Variants in CD163L1 observed in about 807,000 individuals in gnomAD.
The protein encoded by CD163L1 is CD163 molecule like 1, also known as scavenger receptor cysteine-rich type 1 protein M160.
CD163L1 carries 124 observed loss-of-function variants against 165.4 expected under a neutral mutation model. That is an observed-to-expected ratio of 0.75 (90% CI 0.65 to 0.87). The LOEUF is 0.87. Among genes scored for constraint, CD163L1 ranks in the 40% least tolerant of loss-of-function variants. CD163L1 has a pLI of 0.00. For synonymous variants in CD163L1, 585 were observed against 662.2 expected (o/e 0.88, Z 1.79); for missense variants, 1,525 against 1,799.9 (o/e 0.85, Z 2.76).
intron 8 of CD163L1, among the ~76,000 whole-genome samples, chr12:7,392,229 A>G (rs1405509251): frequency 6.6e-6 from 1 of 152,254 alleles, no homozygotes; most frequent in Non-Finnish European, 1.5e-5. Context: ...ACAGTCTCTC[A>G]GACCACAGCG....
At chr12:7,397,647 C>T (rs1947808706) in intron 7 of CD163L1, among the ~76,000 whole-genome samples, 1 of 152,160 alleles carries the variant, frequency 6.6e-6, no homozygotes, top group Non-Finnish European at 1.5e-5. Flanking sequence ...AGATAACTGC[C>T]TTGAAAGGCA....
chr12:7,399,849 C>T (rs1308623897), intron 6 of CD163L1, among the ~76,000 whole-genome samples: 1 of 152,074 alleles, frequency 6.6e-6, no homozygotes, highest in Admixed American at 6.6e-5. Context: ...CTTTCAGCCT[C>T]CCAAAGTACC....
At chr12:7,413,633 T>C (rs181109241) in intron 4 of CD163L1, among the ~76,000 whole-genome samples, 1 of 152,314 alleles carries the variant, frequency 6.6e-6, no homozygotes, top group Non-Finnish European at 1.5e-5. Flanking sequence ...AGATAACTTG[T>C]GTGGTCTTCC....
In CD163L1 at chr12:7,398,624, G is replaced by A; in HGVS notation, c.1409-40C>T. 2 of 1,500,452 alleles carry A rather than the reference G, an allele frequency of 1.3e-6. No homozygotes were observed. Among genetic ancestry groups the A allele is most frequent in the African/African-American group, 1.4e-5 (1 of 71,454 alleles). The allele number at this position is 1,500,452 out of a possible 1,614,324, so 92.9% of individuals were successfully genotyped here. On this transcript the variant is annotated intron_variant, in intron 6 of 19. Transcript: ENST00000313599. The surrounding 1 kb of genome is among the most constrained non-coding windows in gnomAD (Gnocchi z 4.5). Reference sequence around the variant, plus strand: ...AAACCACATATTTGAGATCAAATGAGAGAGTCTTTTCAGAAGACTGAAAAG... The same window carrying A: ...AAACCACATATTTGAGATCAAATGAAAGAGTCTTTTCAGAAGACTGAAAAG...
chr12:7,338,853 T>C, the CD163L1 span, among the ~76,000 whole-genome samples: 1 of 152,214 alleles, frequency 6.6e-6, no homozygotes, highest in South Asian at 2.1e-4. Context: ...GAGAATTCCA[T>C]GTCCTCTCTC....
chr12:7,421,039 GTATATATATGTA>G lies in CD163L1; in HGVS notation c.766+11365_766+11376del, dbSNP rs1275972283. On this transcript the variant is annotated intron_variant, in intron 4 of 19. Transcript: ENST00000313599. ...TATATATATACATATATATATACGT[GTATATATATGTA>G]TATACGTATATATGTATATATACGT... Among the ~76,000 whole-genome samples, 3 of 88,186 alleles carry G rather than the reference GTATATATATGTA, an allele frequency of 3.4e-5. No homozygotes were observed. The Admixed American group carries it at 3.6e-4, about 11-fold the overall frequency. The allele number at this position is 88,186 out of a possible 152,430, so 57.9% of individuals were successfully genotyped here.
At chr12:7,397,358 C>T (rs1947799226) in intron 7 of CD163L1, among the ~76,000 whole-genome samples, 2 of 152,278 alleles carry the variant, frequency 1.3e-5, no homozygotes. Context: ...GAAAGAAACT[C>T]GTGTCTCTTA....
chr12:7,335,161 C>T, the CD163L1 span, among the ~76,000 whole-genome samples: 1 of 152,040 alleles, frequency 6.6e-6, no homozygotes, highest in East Asian at 1.9e-4. Context: ...CATATGGAAC[C>T]AAAAAAGAGC....
chr12:7,419,047 C>T (rs1401975177), intron 4 of CD163L1, among the ~76,000 whole-genome samples: 1 of 151,882 alleles, frequency 6.6e-6, no homozygotes, highest in Non-Finnish European at 1.5e-5. Context: ...ACCCTAATAC[C>T]AAAACCAGGA....
intron 2 of CD163L1, among the ~76,000 whole-genome samples, 160 bp downstream of exon 2, chr12:7,440,994 A>T (rs1197271582): frequency 6.6e-6 from 1 of 152,234 alleles, no homozygotes; most frequent in Non-Finnish European, 1.5e-5. Context: ...AAATGCATAA[A>T]AATAATTTGG....
At chr12:7,377,028 C>G (rs1947284375) in intron 9 of CD163L1, among the ~76,000 whole-genome samples, 1 of 152,218 alleles carries the variant, frequency 6.6e-6, no homozygotes, top group Non-Finnish European at 1.5e-5. Context: ...CTGCTTGTCC[C>G]TGAGTGACCT....
At chr12:7,440,695 C>T (rs1024877812) in intron 2 of CD163L1, among the ~76,000 whole-genome samples, 2 of 149,226 alleles carry the variant, frequency 1.3e-5, no homozygotes, top group South Asian at 4.2e-4. Context: ...GGCACGATCT[C>T]GGCTCACTAC....
chr12:7,429,042 A>C (rs1490591678), intron 4 of CD163L1, among the ~76,000 whole-genome samples: 1 of 152,102 alleles, frequency 6.6e-6, no homozygotes, highest in Non-Finnish European at 1.5e-5. Context: ...ATTGTTGAAC[A>C]TAATCAGAAG....
intron 1 of CD163L1, among the ~76,000 whole-genome samples, chr12:7,442,018 T>C (rs978510889): frequency 2.6e-5 from 4 of 151,966 alleles, no homozygotes; most frequent in Non-Finnish European, 5.9e-5. Context: ...ATTCTGAGAG[T>C]TATTTGGAGA....
At chr12:7,434,133 T>C (rs1948681241) in intron 2 of CD163L1, among the ~76,000 whole-genome samples, 1 of 152,214 alleles carries the variant, frequency 6.6e-6, no homozygotes, top group African/African-American at 2.4e-5. Context: ...AAGGTTGACA[T>C]AATAATTTTC....
chr12:7,410,880 T>C (rs911327213), intron 4 of CD163L1, among the ~76,000 whole-genome samples: 1 of 148,674 alleles, frequency 6.7e-6, no homozygotes, highest in African/African-American at 2.4e-5. Context: ...TAATAAAAAA[T>C]AGTTAAGAAT....
the CD163L1 span, among the ~76,000 whole-genome samples, chr12:7,321,564 C>G: frequency 6.6e-6 from 1 of 152,338 alleles, no homozygotes; most frequent in South Asian, 2.1e-4. Flanking sequence ...TTTGAAACAT[C>G]AGCATCTTGT....
chr12:7,354,314 C>G (rs926446170), downstream of CD163L1, among the ~76,000 whole-genome samples: 2 of 151,758 alleles, frequency 1.3e-5, no homozygotes, highest in Admixed American at 6.6e-5. Flanking sequence ...GTTATAATTC[C>G]TATAGGAACA....
At chr12:7,360,005 G>A (rs775796105) in intron 18 of CD163L1, among the ~76,000 whole-genome samples, 1 of 152,058 alleles carries the variant, frequency 6.6e-6, no homozygotes, top group South Asian at 2.1e-4. Context: ...ATTTAGTTTG[G>A]TGTTTGCTAA....
Sources: gnomAD v4.1 joint callset for allele counts (sites outside exome capture counted in the v4.1 genomes callset) on GRCh38, gnomAD v4.1.1 for gene constraint, Gnocchi (gnomAD v3.1) non-coding constraint, MANE v1.5 for transcripts, NCBI Gene and HGNC (gene_info 2026-07-23, HGNC 2026-07-21) for gene names.